The following SPAG16 variants were observed in gnomAD, a reference collection of about 807,000 sequenced individuals.
SPAG16 encodes sperm-associated antigen 16 protein.
A neutral mutation model predicts 80.4 loss-of-function variants in SPAG16; 86 were observed. That is an observed-to-expected ratio of 1.07 (90% CI 0.90 to 1.28). The LOEUF is 1.28. Among genes scored for constraint, SPAG16 ranks in the 50% most tolerant of loss-of-function variants. The pLI, the probability that SPAG16 is intolerant of heterozygous loss-of-function variation, is 0.00. For missense variants in SPAG16, 870 were observed against 765.3 expected (o/e 1.14, Z -1.61); for synonymous variants, 294 against 265.9 (o/e 1.11, Z -1.03).
chr2:214,252,171 A>G (rs938030252), intron 15 of SPAG16, among the ~76,000 whole-genome samples: 1 of 152,126 alleles, frequency 6.6e-6, no homozygotes, highest in Admixed American at 6.6e-5. Flanking sequence ...TTTGTTTCCC[A>G]GGGGCAGTAT....
intron 13 of SPAG16, among the ~76,000 whole-genome samples, chr2:214,099,698 A>C (rs1342455564): frequency 6.6e-6 from 1 of 152,078 alleles, no homozygotes; most frequent in Non-Finnish European, 1.5e-5. Flanking sequence ...ATGGGAGACT[A>C]ACTTTTCATT....
intron 10 of SPAG16, among the ~76,000 whole-genome samples, chr2:213,738,157 C>G (rs1386416426): frequency 6.6e-6 from 1 of 152,154 alleles, no homozygotes; most frequent in African/African-American, 2.4e-5. Context: ...TGATTACATT[C>G]TCAAATCTCA....
In SPAG16 at chr2:214,093,286, A is replaced by G. The variant is rs144009256; in HGVS notation, c.1528-14910A>G. Among the ~76,000 whole-genome samples the G allele has an allele frequency of 3.6e-3, 547 of 152,176 alleles. 4 individuals carry two copies. Among genetic ancestry groups the G allele is most frequent in the African/African-American group, 0.013 (525 of 41,526 alleles). ...CAGTGATATAATAATTCATAAATTA[A>G]GTTGGGTTATTTGTATTTTCTTAGG... On this transcript the variant is annotated intron_variant, in intron 13 of 15. Coordinates refer to ENST00000331683, the MANE Select transcript of SPAG16 (RefSeq NM_024532.5).
At chr2:214,289,339 G>A (rs11890207) in intron 15 of SPAG16, among the ~76,000 whole-genome samples, 36,723 of 152,014 alleles carry the variant, frequency 0.24, 5,994 homozygotes, top group African/African-American at 0.47. Flanking sequence ...TGTATTTTCT[G>A]TGTTCTTTTC....
At chr2:213,437,012 C>T (rs577834887) in intron 9 of SPAG16, among the ~76,000 whole-genome samples, 15 of 151,942 alleles carry the variant, frequency 9.9e-5, no homozygotes, top group South Asian at 2.1e-4. Context: ...CCTGGGTTCA[C>T]GCCATTCTCC....
chr2:213,788,746 A>G (rs1188882717), intron 10 of SPAG16, among the ~76,000 whole-genome samples: 1 of 151,876 alleles, frequency 6.6e-6, no homozygotes, highest in Non-Finnish European at 1.5e-5. Context: ...AATATACTCA[A>G]TTATTAATAA....
chr2:213,449,244 G>T (rs2071540453), intron 9 of SPAG16, among the ~76,000 whole-genome samples: 1 of 152,128 alleles, frequency 6.6e-6, no homozygotes, highest in South Asian at 2.1e-4. Flanking sequence ...CTCTGCTCTT[G>T]AACCCTGTTT....
intron 10 of SPAG16, among the ~76,000 whole-genome samples, chr2:213,637,901 C>T (rs1389680656): frequency 1.3e-5 from 2 of 152,082 alleles, no homozygotes; most frequent in Non-Finnish European, 2.9e-5. Context: ...GGACTACAGG[C>T]ACCTGCCACC....
At chr2:214,280,986 G>A (rs978515584) in intron 15 of SPAG16, 11 of 446,078 alleles carry the variant, frequency 2.5e-5, no homozygotes, top group Non-Finnish European at 3.9e-5. Context: ...ACCGGGAATC[G>A]TTTGGTACTG....
intron 5 of SPAG16, among the ~76,000 whole-genome samples, chr2:213,325,939 G>A (rs151125829): frequency 6.8e-4 from 104 of 152,032 alleles, no homozygotes; most frequent in South Asian, 2.3e-3. Context: ...TGGCTCTTTA[G>A]TTAAGCTTTT....
chr2:213,652,626 C>T (rs1383969199), intron 10 of SPAG16, among the ~76,000 whole-genome samples: 1 of 151,932 alleles, frequency 6.6e-6, no homozygotes, highest in African/African-American at 2.4e-5. Flanking sequence ...TTATAATTTG[C>T]ATTTTCGTAA....
intron 10 of SPAG16, among the ~76,000 whole-genome samples, chr2:213,550,027 A>G (rs1009115335): frequency 2.0e-5 from 3 of 152,070 alleles, no homozygotes; most frequent in Admixed American, 1.3e-4. Context: ...TATTTGACAA[A>G]AAGATGCTTT....
intron 10 of SPAG16, among the ~76,000 whole-genome samples, chr2:213,505,314 C>A (rs1264169431): frequency 6.6e-6 from 1 of 151,624 alleles, no homozygotes; most frequent in Non-Finnish European, 1.5e-5. Context: ...TTTTTTTTAC[C>A]TTTTTTGGTT....
At chr2:213,639,746 C>T (rs1034019731) in intron 10 of SPAG16, among the ~76,000 whole-genome samples, 3 of 152,112 alleles carry the variant, frequency 2.0e-5, no homozygotes, top group African/African-American at 7.2e-5. Flanking sequence ...CAATGAATTT[C>T]CTGGGTGTTC....
chr2:213,702,678 C>T (rs779309172), intron 10 of SPAG16, among the ~76,000 whole-genome samples: 6 of 152,156 alleles, frequency 3.9e-5, no homozygotes, highest in Admixed American at 1.3e-4. Flanking sequence ...ATCTATGACA[C>T]ATAGAAGCTG....
chr2:213,880,245 T>C (rs931460047), intron 11 of SPAG16, among the ~76,000 whole-genome samples: 2 of 152,218 alleles, frequency 1.3e-5, no homozygotes, highest in African/African-American at 4.8e-5. Flanking sequence ...TGAGCATTTT[T>C]TCATGTGTAT....
At chr2:213,963,194 C>T (rs2044543150) in intron 12 of SPAG16, among the ~76,000 whole-genome samples, 2 of 151,680 alleles carry the variant, frequency 1.3e-5, no homozygotes, top group African/African-American at 4.8e-5. Context: ...TCTATCTGAG[C>T]ACTACTTTAG....
chr2:213,476,953 CAGAA>C (rs1200781101), intron 9 of SPAG16, among the ~76,000 whole-genome samples: 9 of 152,104 alleles, frequency 5.9e-5, no homozygotes, highest in Non-Finnish European at 8.8e-5. Context: ...TATTGAGCAA[CAGAA>C]AGAAAGCTCT....
chr2:214,296,137 T>A (rs1438775162), intron 15 of SPAG16, among the ~76,000 whole-genome samples: 3 of 152,166 alleles, frequency 2.0e-5, no homozygotes, highest in African/African-American at 2.4e-5. Context: ...CCTTTAAAAG[T>A]TAGAATAAGT....
Sources: allele counts gnomAD v4.1 joint callset (sites outside exome capture counted in the v4.1 genomes callset), GRCh38; gene constraint gnomAD v4.1.1; transcripts MANE v1.5; gene names NCBI Gene and HGNC (gene_info 2026-07-23, HGNC 2026-07-21).